The following PIKFYVE variants were observed in gnomAD, a reference collection of about 807,000 sequenced individuals.
PIKFYVE encodes the protein 1-phosphatidylinositol 3-phosphate 5-kinase.
PIKFYVE carries 122 observed loss-of-function variants against 257.9 expected under a neutral mutation model. The observed-to-expected ratio is 0.47, with a 90% CI of 0.41 to 0.55. The LOEUF (loss-of-function observed/expected upper bound fraction) is 0.55, where lower values mean the gene tolerates loss of function less well. PIKFYVE is among the 20% of genes least tolerant of loss of function. The pLI, the probability that PIKFYVE is intolerant of heterozygous loss-of-function variation, is 0.00. For missense variants in PIKFYVE, 2,160 were observed against 2,536.6 expected, an observed-to-expected ratio of 0.85 and a Z score of 3.19; for synonymous variants, 892 against 868.9, an observed-to-expected ratio of 1.03 and a Z score of -0.47.
chr2:208,335,808 T>C lies in PIKFYVE; in HGVS notation c.4272T>C (p.Tyr1424=). The C allele has an allele frequency of 1.2e-6, 2 of 1,611,830 alleles. No homozygotes were observed. The highest frequency in any genetic ancestry group is 2.7e-5 in the African/African-American group (2 of 75,012). The change falls in exon 26 of 42, where the codon TAT becomes TAC. Residue 1424 remains tyrosine, a synonymous_variant. Coordinates refer to ENST00000264380, the MANE Select transcript of PIKFYVE (RefSeq NM_015040.4). ...CTATTGTTAGAGTTTCACAGGTATA[T>C]GTTGCCATTGATGAAAGACTTGCAT... ...KDFFQKVSQV[Y]VAIDERLASL... is the part of the protein sequence containing the mutation.
At chr2:208,303,738 T>C (rs1694003062) in intron 10 of PIKFYVE, among the ~76,000 whole-genome samples, 1 of 152,196 alleles carries the variant, frequency 6.6e-6, no homozygotes, top group South Asian at 2.1e-4. Context: ...GTAACACCTT[T>C]GTGAACTAAA....
chr2:208,287,888 C>T (rs1327770455), intron 6 of PIKFYVE, among the ~76,000 whole-genome samples: 1 of 152,172 alleles, frequency 6.6e-6, no homozygotes, highest in Non-Finnish European at 1.5e-5. Context: ...GCCACCATGC[C>T]CAGCCTTTTC....
intron 29 of PIKFYVE, 127 bp from the exon 30 acceptor site, chr2:208,339,291 A>G: frequency 9.3e-7 from 1 of 1,075,048 alleles, no homozygotes; most frequent in Non-Finnish European, 1.4e-6. Flanking sequence ...TATGACCTAG[A>G]TGATTTTTAA....
At chr2:208,282,277 G>T (rs1446321) in intron 5 of PIKFYVE, among the ~76,000 whole-genome samples, 146,229 of 152,330 alleles carry the variant, frequency 0.96, 70,337 homozygotes, top group East Asian at 1. Flanking sequence ...TCAGCTTAGA[G>T]AACCAATTCC....
intron 5 of PIKFYVE, among the ~76,000 whole-genome samples, chr2:208,284,186 G>A (rs2125127608): frequency 6.6e-6 from 1 of 151,638 alleles, no homozygotes; most frequent in Non-Finnish European, 1.5e-5. Context: ...TATTTGGACA[G>A]GACTGCACCC....
At chr2:208,331,171 A>G (rs1394598077) in intron 23 of PIKFYVE, among the ~76,000 whole-genome samples, 1 of 152,190 alleles carries the variant, frequency 6.6e-6, no homozygotes, top group Non-Finnish European at 1.5e-5. Flanking sequence ...AGATGAGACC[A>G]TGTTGAAATT....
chr2:208,304,367 A>G (rs749837986), intron 11 of PIKFYVE, 49 bp downstream of exon 11: 8 of 1,580,290 alleles, frequency 5.1e-6, no homozygotes, highest in Non-Finnish European at 6.1e-6. Context: ...ATTGCTGTGT[A>G]TGTATGATAA....
chr2:208,345,991 C>A, intron 33 of PIKFYVE, 59 bp from the exon 34 acceptor site: 1 of 1,240,166 alleles, frequency 8.1e-7, no homozygotes, highest in Non-Finnish European at 1.2e-6. Flanking sequence ...AGAGTACTTA[C>A]TATTTTCTGT....
At chr2:208,296,315 A>C (rs1387010072) in intron 7 of PIKFYVE, among the ~76,000 whole-genome samples, 1 of 152,126 alleles carries the variant, frequency 6.6e-6, no homozygotes, top group Non-Finnish European at 1.5e-5. Context: ...GAAACAGACA[A>C]ATTCTAAATA....
At chr2:208,309,873 G>T (rs1371679928) in intron 12 of PIKFYVE, among the ~76,000 whole-genome samples, 4 of 152,084 alleles carry the variant, frequency 2.6e-5, no homozygotes, top group Non-Finnish European at 5.9e-5. Flanking sequence ...GAAAAATCTA[G>T]ATCTAGAATT....
Position 208,354,012 on chromosome 2 carries a change from C to A in PIKFYVE, c.5959C>A (p.Pro1987Thr), listed in dbSNP as rs1699999619. The change falls in exon 40 of 42, where the codon CCT (proline) becomes ACT (threonine). Residue 1987 changes from proline (P) to threonine (T), a missense_variant. Pro to Thr is a conservative substitution (Grantham distance 38, BLOSUM62 -1). This residue lies in a region of PIKFYVE where 699 missense variants were observed against 855.8 expected (regional missense o/e 0.82). Coordinates refer to ENST00000264380, the MANE Select transcript of PIKFYVE (RefSeq NM_015040.4). The stretch of plus-strand genomic sequence containing the variant: ...TCTCCTAAAGATGGTTCGAGACAAC[C>A]CTCTATATATTCGTTCTCATTCCAA... ...ENLLKMVRDN[P>T]LYIRSHSKAV... 1 of 1,614,002 alleles carries A rather than the reference C, an allele frequency of 6.2e-7. No homozygotes were observed. Among genetic ancestry groups the A allele is most frequent in the Non-Finnish European group, 8.5e-7 (1 of 1,179,966 alleles).
In PIKFYVE at chr2:208,352,428, A is replaced by T. The variant is rs77585780; in HGVS notation, c.5716-226A>T. On this transcript the variant is annotated intron_variant, in intron 38 of 41. Coordinates refer to ENST00000264380, the MANE Select transcript of PIKFYVE (RefSeq NM_015040.4). ...TGTCATAATGAAGTTTTTGAATTTA[A>T]TCAACTGAAGGATTATTCCTTGGGA... is the stretch of plus-strand genomic sequence containing the variant. Among the ~76,000 whole-genome samples, 510 of 152,286 alleles carry T rather than the reference A, an allele frequency of 3.3e-3. 5 individuals carry two copies. Among genetic ancestry groups the T allele is most frequent in the African/African-American group, 0.012 (493 of 41,552 alleles).
intron 17 of PIKFYVE, among the ~76,000 whole-genome samples, 154 bp from the exon 18 acceptor site, chr2:208,323,988 T>A (rs185062317): frequency 0.019 from 2,868 of 152,282 alleles, 82 homozygotes; most frequent in African/African-American, 0.065. Flanking sequence ...TTGTTTGAGT[T>A]TTTTGTAGAT....
Position 208,273,689 on chromosome 2 carries a change from A to G in PIKFYVE, c.278A>G (p.Lys93Arg). The stretch of plus-strand genomic sequence containing the variant: ...TCTGTTAGGTCACCCACACCTTATA[A>G]AAAGCAGCTTAATGAGGAACTCCAG... The part of the protein sequence containing the change: ...TQSVRSPTPY[K>R]KQLNEELQRR... Residue 93 changes from lysine to arginine, a missense_variant, in exon 3 of 42, where the codon AAA (lysine) becomes AGA (arginine). By Grantham distance (26) the Lys-to-Arg change is conservative (BLOSUM62 2). Transcript: ENST00000264380. The G allele has an allele frequency of 6.2e-7, 1 of 1,614,136 alleles. No homozygotes were observed. The highest frequency in any genetic ancestry group is 8.5e-7 in the Non-Finnish European group (1 of 1,180,028).
rs765396412 is a variant in PIKFYVE, at chr2:208,302,239, C to T, written c.1209-3C>T. 1.4e-5 allele frequency: 22 copies of T among 1,613,578 alleles called. No individual in the cohort carries two copies. Among genetic ancestry groups the T allele is most frequent in the Non-Finnish European group, 1.7e-5 (20 of 1,179,670 alleles). On this transcript the variant is annotated splice_region_variant and splice_polypyrimidine_tract_variant and intron_variant, in intron 9 of 41. Coordinates refer to ENST00000264380, the MANE Select transcript of PIKFYVE (RefSeq NM_015040.4). ...CTTTTCATTTTTGTGGGTCTTGATT[C>T]AGGGCACAAGCTATAGCAATTGGAC... is the stretch of plus-strand genomic sequence containing the variant.
chr2:208,345,206 T>C lies in PIKFYVE; in HGVS notation c.5111+12T>C, dbSNP rs753668862. ...CTTCCAACAAATAGGTGATTCATGA[T>C]TGAGTAGAAACTATTTTAATTTAGT... On this transcript the variant is annotated intron_variant, in intron 33 of 41. Transcript: ENST00000264380. The C allele has an allele frequency of 3.8e-6, 6 of 1,582,530 alleles. No individual in the cohort carries two copies. The highest frequency in any genetic ancestry group is 3.3e-5 in the South Asian group (3 of 90,318).
intron 24 of PIKFYVE, among the ~76,000 whole-genome samples, chr2:208,334,990 G>T (rs545448456): frequency 6.6e-6 from 1 of 152,134 alleles, no homozygotes; most frequent in Non-Finnish European, 1.5e-5. Context: ...CTACAATTAG[G>T]TGTAGGTATT....
chr2:208,321,581 T>TTC (rs1696230406), intron 17 of PIKFYVE, among the ~76,000 whole-genome samples: 2 of 134,412 alleles, frequency 1.5e-5, no homozygotes, highest in Non-Finnish European at 3.1e-5. Flanking sequence ...TTTTGTTTTT[T>TTC]TTTTTTTTTT....
chr2:208,292,740 A>G (rs1258947532), intron 7 of PIKFYVE, among the ~76,000 whole-genome samples: 3 of 152,200 alleles, frequency 2.0e-5, no homozygotes, highest in East Asian at 3.9e-4. Flanking sequence ...ATAATTGTGC[A>G]TATTTATGGG....
Sources: gnomAD v4.1 joint callset for allele counts (sites outside exome capture counted in the v4.1 genomes callset) on GRCh38, gnomAD v4.1.1 for gene constraint, gnomAD v4.1.1 regional missense constraint, MANE v1.5 for transcripts, NCBI Gene and HGNC (gene_info 2026-07-23, HGNC 2026-07-21) for gene names.